Variants in SLC35F3 observed in about 807,000 individuals in gnomAD.
SLC35F3 encodes the protein putative thiamine transporter SLC35F3.
SLC35F3 carries 25 observed loss-of-function variants against 49.9 expected under a neutral mutation model. That is an observed-to-expected ratio of 0.50 (90% CI 0.37 to 0.70). SLC35F3 has a LOEUF of 0.70. Ranked by LOEUF, SLC35F3 falls within the 30% of genes least tolerant of loss-of-function variation. The pLI, the probability that SLC35F3 is intolerant of heterozygous loss-of-function variation, is 0.00. For synonymous variants in SLC35F3, 275 were observed against 265.4 expected, an observed-to-expected ratio of 1.04 and a Z score of -0.35; for missense variants, 525 against 639.8, an observed-to-expected ratio of 0.82 and a Z score of 1.94.
At chr1:234,041,847 A>G (rs1352893625) in intron 2 of SLC35F3, among the ~76,000 whole-genome samples, 1 of 152,216 alleles carries the variant, frequency 6.6e-6, no homozygotes, top group Non-Finnish European at 1.5e-5. Context: ...CCAGATCCTT[A>G]GATGGGTGGA....
chr1:234,134,908 G>A (rs1160002859), intron 2 of SLC35F3, among the ~76,000 whole-genome samples: 1 of 152,122 alleles, frequency 6.6e-6, no homozygotes, highest in African/African-American at 2.4e-5. Context: ...TTTTAGTAGA[G>A]ACGGGGTTTA....
At chr1:234,305,998 T>C (rs1428760592) in intron 3 of SLC35F3, among the ~76,000 whole-genome samples, 3 of 152,204 alleles carry the variant, frequency 2.0e-5, no homozygotes, top group Non-Finnish European at 4.4e-5. Context: ...CCGTCAGTAA[T>C]GTGGGCGTCA....
At chr1:234,189,553 C>T (rs1666701049) in intron 2 of SLC35F3, among the ~76,000 whole-genome samples, 1 of 151,498 alleles carries the variant, frequency 6.6e-6, no homozygotes, top group Non-Finnish European at 1.5e-5. Context: ...TTAACAAAGC[C>T]TCCGAGAAGT....
intron 2 of SLC35F3, among the ~76,000 whole-genome samples, chr1:234,105,424 G>T (rs1325346692): frequency 1.3e-5 from 2 of 152,146 alleles, no homozygotes. Flanking sequence ...GAATCCCTAT[G>T]GGTCAATAGG....
At chr1:234,069,192 A>C (rs896577582) in intron 2 of SLC35F3, among the ~76,000 whole-genome samples, 2 of 140,034 alleles carry the variant, frequency 1.4e-5, no homozygotes, top group Admixed American at 1.5e-4. Flanking sequence ...AATTTTATAT[A>C]TAAATACATA....
intron 2 of SLC35F3, among the ~76,000 whole-genome samples, chr1:234,041,110 C>T (rs961949798): frequency 3.9e-5 from 6 of 152,158 alleles, no homozygotes; most frequent in Admixed American, 2.0e-4. Flanking sequence ...GTAATGATGT[C>T]ATCAACATCA....
intron 2 of SLC35F3, among the ~76,000 whole-genome samples, chr1:234,016,682 A>G (rs1434100000): frequency 2.0e-5 from 3 of 152,220 alleles, no homozygotes; most frequent in Admixed American, 1.3e-4. Context: ...AAACTTTTGG[A>G]TAATTTGATG....
intron 3 of SLC35F3, among the ~76,000 whole-genome samples, chr1:234,300,693 G>A (rs187286221): frequency 7.9e-5 from 12 of 152,318 alleles, no homozygotes; most frequent in African/African-American, 2.2e-4. Context: ...GGGGATATAC[G>A]AGCTGATACC....
chr1:233,940,017 C>T (rs1032205138), intron 2 of SLC35F3, among the ~76,000 whole-genome samples: 1 of 152,178 alleles, frequency 6.6e-6, no homozygotes, highest in Non-Finnish European at 1.5e-5. Context: ...TCTAAAACCA[C>T]TCCCTAGAGG....
chr1:233,932,568 G>T (rs1181490278), intron 2 of SLC35F3, among the ~76,000 whole-genome samples: 1 of 152,176 alleles, frequency 6.6e-6, no homozygotes, highest in East Asian at 1.9e-4. Context: ...CAATGTATGT[G>T]TATGTAAAAG....
chr1:234,068,826 TA>T lies in SLC35F3; in HGVS notation c.284-162590del, dbSNP rs1664659400. On this transcript the variant is annotated intron_variant, in intron 2 of 7. Coordinates refer to ENST00000366618, the MANE Select transcript of SLC35F3 (RefSeq NM_173508.4). ...TGACAGGATAAGATTTGAGACATTA[TA>T]TATATATATATATATATATATATAT... 6.0e-4 allele frequency among the ~76,000 whole-genome samples: 25 copies of T among 41,508 alleles called. 3 individuals are homozygous for T. Among genetic ancestry groups the T allele is most frequent in the African/African-American group, 1.4e-3 (18 of 13,064 alleles). 27.2% of individuals were successfully genotyped at this position (41,508 alleles called of 152,430 possible).
chr1:234,293,619 G>A (rs1029235032), intron 3 of SLC35F3, among the ~76,000 whole-genome samples: 4 of 151,300 alleles, frequency 2.6e-5, no homozygotes, highest in South Asian at 2.1e-4. Context: ...TGGTCTGGAT[G>A]TAGGCAGTTC....
In SLC35F3 at chr1:234,046,290, G is replaced by C. The variant is rs558103409; in HGVS notation, c.283+140532G>C. On this transcript the variant is annotated intron_variant, in intron 2 of 7. Transcript: ENST00000366618. This position sits in a 1 kb window ranked among gnomAD's most constrained non-coding sequence, Gnocchi z 4.4. ...TATATTCTTACTAACACCTGCTATT[G>C]AAGATTTTAAATACTTTTTCAATCT... 5.9e-5 allele frequency among the ~76,000 whole-genome samples: 9 copies of C among 152,260 alleles called. No homozygotes were observed. The highest frequency in any genetic ancestry group is 2.2e-4 in the African/African-American group (9 of 41,558).
chr1:234,267,660 G>T (rs1328957775), intron 3 of SLC35F3, among the ~76,000 whole-genome samples: 2 of 151,574 alleles, frequency 1.3e-5, no homozygotes, highest in African/African-American at 4.9e-5. Context: ...CCTCCCGGAC[G>T]GGGCGGCTGC....
At chr1:234,147,597 C>T (rs1360715696) in intron 2 of SLC35F3, among the ~76,000 whole-genome samples, 3 of 152,082 alleles carry the variant, frequency 2.0e-5, no homozygotes, top group Admixed American at 6.6e-5. Flanking sequence ...TTGGGAGAAT[C>T]GGTTACTCTG....
intron 2 of SLC35F3, among the ~76,000 whole-genome samples, chr1:234,118,533 AGAGAG>A (rs1376989585): frequency 6.6e-6 from 1 of 152,130 alleles, no homozygotes; most frequent in Non-Finnish European, 1.5e-5. Context: ...AGAGGAGGAG[AGAGAG>A]GAGAGGAAAA....
At chr1:234,268,016 G>A (rs1001136772) in intron 3 of SLC35F3, among the ~76,000 whole-genome samples, 9 of 151,156 alleles carry the variant, frequency 6.0e-5, no homozygotes, top group Admixed American at 3.3e-4. Flanking sequence ...GACGATGGGC[G>A]GCCAAGCAGA....
chr1:234,047,566 A>G (rs1664309628), intron 2 of SLC35F3, among the ~76,000 whole-genome samples: 1 of 152,238 alleles, frequency 6.6e-6, no homozygotes, highest in Non-Finnish European at 1.5e-5. Flanking sequence ...CCTTTGGACT[A>G]TAATAGAACT....
At chr1:233,924,106 T>C (rs1662113757) in intron 2 of SLC35F3, among the ~76,000 whole-genome samples, 1 of 152,202 alleles carries the variant, frequency 6.6e-6, no homozygotes, top group South Asian at 2.1e-4. Context: ...TAAAATTATC[T>C]TTTTTTGTTG....
Sources: gnomAD v4.1 joint callset for allele counts (sites outside exome capture counted in the v4.1 genomes callset) on GRCh38, gnomAD v4.1.1 for gene constraint, Gnocchi (gnomAD v3.1) non-coding constraint, MANE v1.5 for transcripts, NCBI Gene and HGNC (gene_info 2026-07-23, HGNC 2026-07-21) for gene names.